Variants in ZFHX3 observed in about 807,000 individuals in gnomAD.
ZFHX3 encodes the protein zinc finger homeobox protein 3.
Under a neutral mutation model 279.1 loss-of-function variants are expected in ZFHX3, and 42 were observed. The ratio of observed to expected loss-of-function variants is 0.15; its 90% CI spans 0.12 to 0.19. The LOEUF (loss-of-function observed/expected upper bound fraction) is 0.19. Among genes scored for constraint, ZFHX3 ranks in the 10% least tolerant of loss-of-function variants. The pLI, the probability that ZFHX3 is intolerant of heterozygous loss-of-function variation, is 1.00. For missense variants in ZFHX3, 4,981 were observed against 4,754.0 expected (o/e 1.05, Z -1.40); for synonymous variants, 2,293 against 1,957.8 (o/e 1.17, Z -4.52).
chr16:73,850,826 A>C (rs1403168330), intron 1 of ZFHX3, among the ~76,000 whole-genome samples: 1 of 152,154 alleles, frequency 6.6e-6, no homozygotes, highest in African/African-American at 2.4e-5. Flanking sequence ...CTGCTTCCTC[A>C]GGGTGAAGGG....
At chr16:73,317,916 G>C (rs927085434) in intron 4 of ZFHX3, among the ~76,000 whole-genome samples, 2 of 152,162 alleles carry the variant, frequency 1.3e-5, no homozygotes, top group Non-Finnish European at 2.9e-5. Context: ...AGCATTTCTT[G>C]CCAATAGCCA....
intron 7 of ZFHX3, among the ~76,000 whole-genome samples, chr16:73,103,011 A>C (rs1012088644): frequency 1.3e-5 from 2 of 151,512 alleles, no homozygotes; most frequent in African/African-American, 4.9e-5. Flanking sequence ...TGCAACCTGC[A>C]CCTCCCAGGT....
At chr16:72,830,828 C>G (rs1183037216) in intron 4 of ZFHX3, among the ~76,000 whole-genome samples, 1 of 152,088 alleles carries the variant, frequency 6.6e-6, no homozygotes, top group African/African-American at 2.4e-5. Context: ...AGTGGACAAA[C>G]CAAGGTGAAA....
At chr16:72,874,873 T>A (rs945241986) in intron 4 of ZFHX3, among the ~76,000 whole-genome samples, 2 of 152,150 alleles carry the variant, frequency 1.3e-5, no homozygotes, top group African/African-American at 4.8e-5. Context: ...TAACCTTTTT[T>A]TCCCCCACCT....
chr16:73,574,615 T>C (rs1303606281), intron 2 of ZFHX3, among the ~76,000 whole-genome samples: 4 of 152,166 alleles, frequency 2.6e-5, no homozygotes, highest in African/African-American at 9.7e-5. Context: ...GCAGTGACAA[T>C]GGGTGAAGGG....
At chr16:72,873,983 C>A (rs1446826890) in intron 4 of ZFHX3, among the ~76,000 whole-genome samples, 1 of 152,132 alleles carries the variant, frequency 6.6e-6, no homozygotes, top group African/African-American at 2.4e-5. Flanking sequence ...GCTAACAGAA[C>A]ACTCACTTTA....
chr16:72,801,830 G>A (rs986361356), intron 7 of ZFHX3, among the ~76,000 whole-genome samples: 3 of 152,004 alleles, frequency 2.0e-5, no homozygotes, highest in Non-Finnish European at 2.9e-5. Context: ...GGAGTCCAGC[G>A]GGAATCCGAG....
chr16:73,252,205 A>G (rs1421473830), intron 5 of ZFHX3, among the ~76,000 whole-genome samples: 1 of 152,234 alleles, frequency 6.6e-6, no homozygotes, highest in Non-Finnish European at 1.5e-5. Context: ...CAAAAGGGAC[A>G]TAATGAAAGC....
chr16:72,880,973 G>A (rs891781750), intron 4 of ZFHX3, among the ~76,000 whole-genome samples: 21 of 152,216 alleles, frequency 1.4e-4, no homozygotes, highest in Admixed American at 6.5e-5. Flanking sequence ...CTGTGAAACA[G>A]AGAGAAAGAT....
At chr16:73,811,802 G>T (rs964498296) in intron 1 of ZFHX3, among the ~76,000 whole-genome samples, 1 of 152,056 alleles carries the variant, frequency 6.6e-6, no homozygotes, top group Admixed American at 6.6e-5. Flanking sequence ...TGTTCTCTCT[G>T]TTGTGATGCT....
chr16:72,940,326 C>CT (rs1960351809), intron 3 of ZFHX3, among the ~76,000 whole-genome samples: 1 of 152,214 alleles, frequency 6.6e-6, no homozygotes, highest in African/African-American at 2.4e-5. Flanking sequence ...ACGAAGACCC[C>CT]TTCCCAGTGA....
chr16:73,431,921 T>C (rs1201320927), intron 3 of ZFHX3, among the ~76,000 whole-genome samples: 3 of 152,098 alleles, frequency 2.0e-5, no homozygotes, highest in Non-Finnish European at 4.4e-5. Flanking sequence ...TCTAGTTTCA[T>C]CCCCGAGATT....
chr16:73,406,993 C>T (rs1311117110), intron 3 of ZFHX3, among the ~76,000 whole-genome samples: 2 of 152,102 alleles, frequency 1.3e-5, no homozygotes, highest in Non-Finnish European at 2.9e-5. Context: ...TTGGTGATGC[C>T]CTCCTCCAAG....
At chr16:73,519,084 G>C (rs114887122) in intron 2 of ZFHX3, among the ~76,000 whole-genome samples, 3 of 152,102 alleles carry the variant, frequency 2.0e-5, no homozygotes, top group Non-Finnish European at 4.4e-5. Context: ...TCAACTTCTC[G>C]AGAATAAAGG....
chr16:72,882,096 A>AC (rs976814171), intron 4 of ZFHX3, among the ~76,000 whole-genome samples: 3 of 148,862 alleles, frequency 2.0e-5, no homozygotes, highest in Non-Finnish European at 4.5e-5. Flanking sequence ...CCCAATGCTC[A>AC]CCCCTCAACA....
chr16:73,055,696 GCGCACACA>G (rs1245273267), intron 1 of ZFHX3, among the ~76,000 whole-genome samples: 38 of 94,760 alleles, frequency 4.0e-4, no homozygotes, highest in Non-Finnish European at 7.4e-4. Context: ...GCGCGCGCGC[GCGCACACA>G]CACACACACA....
intron 3 of ZFHX3, among the ~76,000 whole-genome samples, chr16:73,380,015 G>T (rs1160205829): frequency 6.6e-6 from 1 of 152,154 alleles, no homozygotes; most frequent in Non-Finnish European, 1.5e-5. Flanking sequence ...ATGAAAACTG[G>T]CAAAGGAGGG....
At chr16:73,640,995 A>T (rs1567540161) in intron 2 of ZFHX3, among the ~76,000 whole-genome samples, 1 of 152,216 alleles carries the variant, frequency 6.6e-6, no homozygotes, top group Non-Finnish European at 1.5e-5. Context: ...AATGGCATCG[A>T]TCTTCTCAGC....
chr16:73,560,896 G>A (rs1304719471), intron 2 of ZFHX3, among the ~76,000 whole-genome samples: 4 of 152,130 alleles, frequency 2.6e-5, no homozygotes, highest in Non-Finnish European at 5.9e-5. Context: ...TTATTTAAAA[G>A]ACAGAGACCT....
Sources: allele counts gnomAD v4.1 joint callset (sites outside exome capture counted in the v4.1 genomes callset), GRCh38; gene constraint gnomAD v4.1.1; transcripts MANE v1.5; gene names NCBI Gene and HGNC (gene_info 2026-07-23, HGNC 2026-07-21).